Variants in ROBO1 observed in about 807,000 individuals in gnomAD.
The protein encoded by ROBO1 is roundabout homolog 1.
Under a neutral mutation model 195.9 loss-of-function variants are expected in ROBO1, and 149 were observed. The observed-to-expected ratio is 0.76, with a 90% confidence interval of 0.67 to 0.87. The LOEUF (loss-of-function observed/expected upper bound fraction) is 0.87, where lower values mean the gene tolerates loss of function less well. Among genes scored for constraint, ROBO1 ranks in the 40% least tolerant of loss-of-function variants. The pLI, the probability that ROBO1 is intolerant of heterozygous loss-of-function variation, is 0.00. For missense variants in ROBO1, 1,933 were observed against 2,068.3 expected, an observed-to-expected ratio of 0.93 and a Z score of 1.27; for synonymous variants, 816 against 733.2, an observed-to-expected ratio of 1.11 and a Z score of -1.82.
rs528381268 is a variant in ROBO1, at chr3:78,631,610, G to A, written c.3482-305C>T. Among the ~76,000 whole-genome samples the A allele has an allele frequency of 2.6e-5, 4 of 152,094 alleles. No individual in the cohort carries two copies. The East Asian group carries it at 5.8e-4, about 22-fold the overall frequency. ...TTATGGATTATCATCTCAAACAAAT[G>A]AGCTGTAGATATATTTTCTCGAGTG... On this transcript the variant is annotated intron_variant, in intron 24 of 30. Coordinates refer to ENST00000464233, the MANE Select transcript of ROBO1 (RefSeq NM_002941.4).
At chr3:79,598,867 G>C (rs1576093111) in intron 1 of ROBO1, among the ~76,000 whole-genome samples, 2 of 152,140 alleles carry the variant, frequency 1.3e-5, no homozygotes, top group East Asian at 3.9e-4. Context: ...GAAAACAGCA[G>C]CTAATTCCAC....
intron 2 of ROBO1, among the ~76,000 whole-genome samples, chr3:79,299,193 A>G (rs1220775902): frequency 6.6e-6 from 1 of 152,218 alleles, no homozygotes; most frequent in African/African-American, 2.4e-5. Flanking sequence ...TGAAGTTTAC[A>G]TCGCATTTAG....
chr3:78,822,712 A>T (rs1361455996), intron 4 of ROBO1, among the ~76,000 whole-genome samples: 2 of 152,240 alleles, frequency 1.3e-5, no homozygotes, highest in Non-Finnish European at 2.9e-5. Context: ...GGTCCAACTT[A>T]ATGTCTAGCC....
chr3:79,323,333 G>A (rs1304790986), intron 2 of ROBO1, among the ~76,000 whole-genome samples: 1 of 152,100 alleles, frequency 6.6e-6, no homozygotes, highest in African/African-American at 2.4e-5. Flanking sequence ...ACCCACCTCA[G>A]CCTCCCACAG....
intron 4 of ROBO1, among the ~76,000 whole-genome samples, chr3:78,833,219 A>C (rs1170238332): frequency 6.6e-6 from 1 of 150,650 alleles, no homozygotes; most frequent in East Asian, 1.9e-4. Flanking sequence ...AATAAGGATG[A>C]AAAAAAAGGT....
intron 4 of ROBO1, among the ~76,000 whole-genome samples, chr3:78,870,241 C>A (rs909039511): frequency 1.3e-5 from 2 of 152,220 alleles, no homozygotes; most frequent in East Asian, 1.9e-4. Flanking sequence ...CTGACCCAAC[C>A]CCGTCCATTT....
chr3:78,884,406 G>T (rs1385686442), intron 4 of ROBO1, among the ~76,000 whole-genome samples: 1 of 151,932 alleles, frequency 6.6e-6, no homozygotes, highest in Non-Finnish European at 1.5e-5. Flanking sequence ...GAGCTCAAGA[G>T]TTCAAGACCA....
At chr3:79,092,123 G>C (rs1035818910) in intron 3 of ROBO1, among the ~76,000 whole-genome samples, 2 of 152,158 alleles carry the variant, frequency 1.3e-5, no homozygotes, top group South Asian at 2.1e-4. Context: ...GTGAGGCAGA[G>C]ACGGGAAACA....
Position 78,962,823 on chromosome 3 carries a change from C to CAAAAAAAAA in ROBO1, c.173-23905_173-23897dup, listed in dbSNP as rs770515270. On this transcript the variant is annotated intron_variant, in intron 3 of 30. Coordinates refer to ENST00000464233, the MANE Select transcript of ROBO1 (RefSeq NM_002941.4). The stretch of plus-strand genomic sequence containing the variant: ...TGGGCGACAGAGTGAGACTCCATCT[C>CAAAAAAAAA]AAAAAAAAAAAAAAAAAAAAAAAAA... Among the ~76,000 whole-genome samples, 11 of 26,216 alleles carry CAAAAAAAAA rather than the reference C, an allele frequency of 4.2e-4. 1 individual carries two copies. The highest frequency in any genetic ancestry group is 1.7e-3 in the East Asian group (1 of 578). The allele number at this position is 26,216 out of a possible 152,430, so 17.2% of individuals were successfully genotyped here.
chr3:78,621,423 A>C (rs17016412), intron 26 of ROBO1, among the ~76,000 whole-genome samples: 29,062 of 152,136 alleles, frequency 0.19, 3,466 homozygotes, highest in East Asian at 0.4. Flanking sequence ...GGATGCCAGC[A>C]TTGTTGTGTT....
intron 3 of ROBO1, among the ~76,000 whole-genome samples, chr3:79,050,068 C>A (rs957389584): frequency 1.3e-5 from 2 of 152,056 alleles, no homozygotes; most frequent in Non-Finnish European, 2.9e-5. Flanking sequence ...TGTAAATGGG[C>A]TAAGTGTCCC....
intron 2 of ROBO1, among the ~76,000 whole-genome samples, chr3:79,303,257 C>A (rs1329727417): frequency 6.6e-6 from 1 of 150,562 alleles, no homozygotes; most frequent in Non-Finnish European, 1.5e-5. Flanking sequence ...ACCTCCACCT[C>A]CTGGGTTCAA....
chr3:78,960,081 C>G (rs2041258844), intron 3 of ROBO1, among the ~76,000 whole-genome samples: 2 of 152,050 alleles, frequency 1.3e-5, no homozygotes. Flanking sequence ...GGGAGGATTA[C>G]TTGAGGCCAG....
At chr3:79,050,467 C>T (rs2078675865) in intron 3 of ROBO1, among the ~76,000 whole-genome samples, 1 of 152,130 alleles carries the variant, frequency 6.6e-6, no homozygotes, top group South Asian at 2.1e-4. Flanking sequence ...TAACACCCCA[C>T]TACCAATATT....
intron 1 of ROBO1, among the ~76,000 whole-genome samples, chr3:79,736,669 G>T (rs1473698212): frequency 6.6e-6 from 1 of 152,068 alleles, no homozygotes; most frequent in Non-Finnish European, 1.5e-5. Flanking sequence ...TGCATGTCAG[G>T]CTACTCCTGA....
chr3:79,232,441 G>T (rs1176848567), intron 2 of ROBO1, among the ~76,000 whole-genome samples: 1 of 149,492 alleles, frequency 6.7e-6, no homozygotes, highest in African/African-American at 2.5e-5. Context: ...TTACAGAGAA[G>T]AAAGAAAACT....
In ROBO1 at chr3:79,154,912, A is replaced by G. The variant is rs146951190; in HGVS notation, c.89-29373T>C. ...CAGTTTATTTAGCACAAAAGCATGT[A>G]GAAGAATAAAATAATAACCACCTCC... On this transcript the variant is annotated intron_variant, in intron 2 of 30. Transcript: ENST00000464233. Among the ~76,000 whole-genome samples the G allele has an allele frequency of 9.2e-5, 14 of 151,962 alleles. No homozygotes were observed. The East Asian group carries it at 2.3e-3, about 25-fold the overall frequency.
chr3:79,523,011 T>C (rs1432732245), intron 2 of ROBO1, among the ~76,000 whole-genome samples: 3 of 152,244 alleles, frequency 2.0e-5, no homozygotes, highest in Non-Finnish European at 4.4e-5. Context: ...GTTAAAGGTC[T>C]GTGTCAAGTG....
At chr3:79,667,273 G>C (rs1456916167) in intron 1 of ROBO1, among the ~76,000 whole-genome samples, 2 of 151,818 alleles carry the variant, frequency 1.3e-5, no homozygotes, top group Non-Finnish European at 2.9e-5. Flanking sequence ...CATTTCTCCA[G>C]AGATATGATA....
Sources: gnomAD v4.1 joint callset for allele counts (sites outside exome capture counted in the v4.1 genomes callset) on GRCh38, gnomAD v4.1.1 for gene constraint, MANE v1.5 for transcripts, NCBI Gene and HGNC (gene_info 2026-07-23, HGNC 2026-07-21) for gene names.